GRIK2: variants seen among roughly 807,000 people sequenced by gnomAD.
GRIK2 encodes the protein glutamate ionotropic receptor kainate type subunit 2.
In GRIK2, 32 loss-of-function variants were observed where a neutral mutation model predicts 100.3. The observed-to-expected ratio is 0.32, with a 90% confidence interval of 0.24 to 0.43. GRIK2 has a LOEUF of 0.43. GRIK2 is among the 20% of genes least tolerant of loss of function. The pLI is 1.00. For synonymous variants in GRIK2, 417 were observed against 389.4 expected, an observed-to-expected ratio of 1.07 and a Z score of -0.83; for missense variants, 843 against 1,114.9, an observed-to-expected ratio of 0.76 and a Z score of 3.47.
chr6:101,678,355 A>G (rs1474775697), intron 5 of GRIK2, among the ~76,000 whole-genome samples: 2 of 152,130 alleles, frequency 1.3e-5, no homozygotes, highest in Admixed American at 1.3e-4. Flanking sequence ...TGCAAAAGGA[A>G]AACAGAAATA....
chr6:102,020,522 T>A (rs2114361275), intron 14 of GRIK2, among the ~76,000 whole-genome samples: 1 of 151,924 alleles, frequency 6.6e-6, no homozygotes, highest in South Asian at 2.1e-4. Flanking sequence ...TGATCAGACA[T>A]CCCTTGCCGG....
chr6:101,535,185 A>G (rs910825410), intron 2 of GRIK2, among the ~76,000 whole-genome samples: 1 of 151,812 alleles, frequency 6.6e-6, no homozygotes, highest in Non-Finnish European at 1.5e-5. Flanking sequence ...ATGTATCACT[A>G]AAATGGTGTG....
At chr6:101,416,398 TGTCAGTACTG>T (rs1776142281) in intron 2 of GRIK2, among the ~76,000 whole-genome samples, 1 of 152,142 alleles carries the variant, frequency 6.6e-6, no homozygotes, top group Non-Finnish European at 1.5e-5. Context: ...GTCTCCTCAG[TGTCAGTACTG>T]GTGAGGCTGG....
At chr6:101,533,329 G>C (rs1271712175) in intron 2 of GRIK2, among the ~76,000 whole-genome samples, 1 of 151,512 alleles carries the variant, frequency 6.6e-6, no homozygotes, top group East Asian at 1.9e-4. Flanking sequence ...ATTAAGAAGG[G>C]GTAATACAAG....
At chr6:101,416,795 G>C (rs1405348988) in intron 2 of GRIK2, among the ~76,000 whole-genome samples, 1 of 152,142 alleles carries the variant, frequency 6.6e-6, no homozygotes, top group Non-Finnish European at 1.5e-5. Context: ...AAAAATGTGT[G>C]GCCATTGCCT....
chr6:101,974,401 G>T (rs1793242145), intron 14 of GRIK2, among the ~76,000 whole-genome samples: 1 of 152,006 alleles, frequency 6.6e-6, no homozygotes, highest in South Asian at 2.1e-4. Context: ...TTAGGCATAT[G>T]TTGAATGCTA....
At chr6:101,728,575 G>A (rs1583032638) in intron 7 of GRIK2, among the ~76,000 whole-genome samples, 2 of 152,038 alleles carry the variant, frequency 1.3e-5, no homozygotes, top group South Asian at 4.1e-4. Flanking sequence ...TTTAAATTCT[G>A]ACAGGCACTC....
intron 3 of GRIK2, among the ~76,000 whole-genome samples, chr6:101,626,114 C>T (rs1304345436): frequency 2.6e-5 from 4 of 152,132 alleles, no homozygotes; most frequent in African/African-American, 9.7e-5. Flanking sequence ...TATTCATCCT[C>T]TCTCTCCTTG....
intron 2 of GRIK2, among the ~76,000 whole-genome samples, chr6:101,437,009 G>T (rs1310804606): frequency 6.6e-6 from 1 of 150,640 alleles, no homozygotes; most frequent in African/African-American, 2.4e-5. Flanking sequence ...TAATTTTAGA[G>T]TTCAATACCT....
intron 7 of GRIK2, among the ~76,000 whole-genome samples, chr6:101,754,818 C>T (rs1004039758): frequency 8.5e-5 from 13 of 152,146 alleles, no homozygotes; most frequent in African/African-American, 2.9e-4. Context: ...GGTAAGAAAA[C>T]CTGGCTCCTG....
chr6:101,530,178 A>G (rs1775363484), intron 2 of GRIK2, among the ~76,000 whole-genome samples: 1 of 152,062 alleles, frequency 6.6e-6, no homozygotes. Context: ...ATGCTGGTGC[A>G]TTAAAGAGAG....
chr6:101,656,411 T>A (rs574482273), intron 4 of GRIK2, among the ~76,000 whole-genome samples: 7 of 150,710 alleles, frequency 4.6e-5, no homozygotes, highest in Non-Finnish European at 1.0e-4. Context: ...TCTAAAAATA[T>A]TTTGGAATAG....
Position 101,928,497 on chromosome 6 carries a change from G to A in GRIK2, c.1950G>A (p.Ser650=), listed in dbSNP as rs367849896. ...WWFFTLIIIS[S]YTANLAAFLT... ...TTTTCACACTTATCATCATTTCTTC[G>A]TATACTGCTAACTTAGCCGCCTTTC... is the stretch of plus-strand genomic sequence containing the variant. Residue 650 remains serine, a synonymous_variant, in exon 14 of 17, where the codon TCG becomes TCA. Coordinates refer to ENST00000369134, the MANE Select transcript of GRIK2 (RefSeq NM_021956.5). The A allele has an allele frequency of 9.0e-5, 144 of 1,604,786 alleles. No individual in the cohort carries two copies. The highest frequency in any genetic ancestry group is 6.7e-4 in the Admixed American group (40 of 59,978).
intron 7 of GRIK2, among the ~76,000 whole-genome samples, chr6:101,773,495 G>GAAAA (rs910994228): frequency 7.5e-6 from 1 of 133,140 alleles, no homozygotes. Flanking sequence ...AAAAAAAAAG[G>GAAAA]AAAAAAAAAA....
intron 2 of GRIK2, among the ~76,000 whole-genome samples, chr6:101,402,730 C>A (rs1475464899): frequency 6.6e-6 from 1 of 152,132 alleles, no homozygotes; most frequent in Non-Finnish European, 1.5e-5. Context: ...GTTCTCTGGC[C>A]GGCTTTTCTG....
chr6:101,488,233 T>C (rs1281470940), intron 2 of GRIK2, among the ~76,000 whole-genome samples: 1 of 146,838 alleles, frequency 6.8e-6, no homozygotes, highest in East Asian at 1.9e-4. Flanking sequence ...ATATAAAGAA[T>C]GCTTAAGAAA....
chr6:101,953,119 GA>G (rs1791707486), intron 14 of GRIK2, among the ~76,000 whole-genome samples: 1 of 152,034 alleles, frequency 6.6e-6, no homozygotes, highest in African/African-American at 2.4e-5. Flanking sequence ...TCTTTTTGCA[GA>G]ATAATATTGT....
intron 2 of GRIK2, among the ~76,000 whole-genome samples, chr6:101,483,638 G>A (rs903077269): frequency 6.6e-6 from 1 of 152,072 alleles, no homozygotes; most frequent in African/African-American, 2.4e-5. Flanking sequence ...GCAGTGGCAC[G>A]ATCTGGGCTC....
chr6:101,402,808 C>T (rs1775392532), intron 2 of GRIK2, among the ~76,000 whole-genome samples: 1 of 152,210 alleles, frequency 6.6e-6, no homozygotes, highest in Non-Finnish European at 1.5e-5. Flanking sequence ...ACAGGGCATC[C>T]AGCGCGTCCC....
Sources: allele counts gnomAD v4.1 joint callset (sites outside exome capture counted in the v4.1 genomes callset), GRCh38; gene constraint gnomAD v4.1.1; transcripts MANE v1.5; gene names NCBI Gene and HGNC (gene_info 2026-07-23, HGNC 2026-07-21).